The following FGD3 variants were observed in gnomAD, a reference collection of about 807,000 sequenced individuals.
The protein encoded by FGD3 is FYVE, RhoGEF and PH domain containing 3.
A neutral mutation model predicts 71.8 loss-of-function variants in FGD3; 45 were observed. The ratio of observed to expected loss-of-function variants is 0.63; its 90% CI spans 0.49 to 0.80. The LOEUF is 0.80. Ranked by LOEUF, FGD3 falls within the 30% of genes least tolerant of loss-of-function variation. The probability of loss-of-function intolerance (pLI) is 0.00; values close to 1 mark genes in which losing one functional copy is unlikely to be tolerated. For missense variants in FGD3, 844 were observed against 951.5 expected (o/e 0.89, Z 1.49); for synonymous variants, 378 against 392.8 (o/e 0.96, Z 0.44).
At position 93,022,261 on chromosome 9, in the gene FGD3, C is replaced by T. The variant is rs904020675; in HGVS notation, c.1495-66C>T. 3.3e-6 allele frequency: 5 copies of T among 1,503,282 alleles called. No homozygotes were observed. The South Asian group carries it at 5.8e-5, about 18-fold the overall frequency. 93.1% of individuals were successfully genotyped at this position (1,503,282 alleles called of 1,614,324 possible). A position where few individuals can be genotyped will look rare whatever the true frequency, so the allele number is the denominator to read the frequency against. ...GGTGCTGGGGGCTTCAGGAACTGTCCCCCCGCTGCACAGTGGCTGCGTGGC... is the reference window on the plus strand; with the variant it reads ...GGTGCTGGGGGCTTCAGGAACTGTCTCCCCGCTGCACAGTGGCTGCGTGGC... On this transcript the variant is annotated intron_variant, in intron 13 of 17. Coordinates refer to ENST00000375482, the MANE Select transcript of FGD3 (RefSeq NM_001083536.2).
chr9:92,965,046 G>C (rs377451195), intron 1 of FGD3, among the ~76,000 whole-genome samples: 1 of 152,352 alleles, frequency 6.6e-6, no homozygotes, highest in Non-Finnish European at 1.5e-5. Flanking sequence ...TGGCAGTGTG[G>C]GACAGTGGCG....
At position 93,035,337 on chromosome 9, in the gene FGD3, G is replaced by C; in HGVS notation, c.1927-1G>C. The stretch of plus-strand genomic sequence containing the variant: ...GCTGACCATCTGCTCCTCTGCTGCA[G>C]GACGGCCGGCTGCCCCGCACCATCC... On this transcript the variant is annotated splice_acceptor_variant, in intron 17 of 17. Transcript: ENST00000375482. LOFTEE classifies it high-confidence loss of function. 1 of 1,607,636 alleles carries C rather than the reference G, an allele frequency of 6.2e-7. No homozygotes were observed. Among genetic ancestry groups the C allele is most frequent in the Non-Finnish European group, 8.5e-7 (1 of 1,177,098 alleles).
chr9:93,018,233 T>G lies in FGD3; in HGVS notation c.1355+18T>G. The stretch of plus-strand genomic sequence containing the variant: ...CAGACGCGGTATGGAACGGGCTGTT[T>G]CTAGTGAATGTCTTTGACCTCATGT... On this transcript the variant is annotated intron_variant, in intron 11 of 17. Coordinates refer to ENST00000375482, the MANE Select transcript of FGD3 (RefSeq NM_001083536.2). The G allele has an allele frequency of 6.2e-7, 1 of 1,604,928 alleles. No individual in the cohort carries two copies. Among genetic ancestry groups the G allele is most frequent in the Non-Finnish European group, 8.5e-7 (1 of 1,172,248 alleles).
Position 93,005,093 on chromosome 9 carries a change from A to G in FGD3, c.681-931A>G, listed in dbSNP as rs756175913. On this transcript the variant is annotated intron_variant, in intron 5 of 17. Transcript: ENST00000375482. ...TCCTCTGCAACTTTTATAACAGCAC[A>G]GGGGTCCAATGACTTAGCCACCCTG... is the stretch of plus-strand genomic sequence containing the variant. Among the ~76,000 whole-genome samples the G allele has an allele frequency of 2.0e-5, 3 of 151,914 alleles. 1 individual carries two copies. The highest frequency in any genetic ancestry group is 6.6e-5 in the Admixed American group (1 of 15,266).
intron 13 of FGD3, among the ~76,000 whole-genome samples, chr9:93,021,506 G>A (rs1861918042): frequency 6.6e-6 from 1 of 152,160 alleles, no homozygotes; most frequent in Non-Finnish European, 1.5e-5. Flanking sequence ...ACAAGGCATA[G>A]GGGTTGGAAG....
At chr9:93,033,091 T>G (rs1406183330) in intron 16 of FGD3, 2 of 622,586 alleles carry the variant, frequency 3.2e-6, no homozygotes, top group Non-Finnish European at 5.9e-6. Context: ...GGCCAAGGCT[T>G]GGGAACCATT....
intron 13 of FGD3, 47 bp from the exon 14 acceptor site, chr9:93,022,280 G>A: frequency 6.3e-7 from 1 of 1,581,876 alleles, no homozygotes; most frequent in South Asian, 1.1e-5. Flanking sequence ...CACAGTGGCT[G>A]CGTGGCCCTG....
intron 10 of FGD3, among the ~76,000 whole-genome samples, chr9:93,017,671 G>A (rs1026011181): frequency 1.3e-5 from 2 of 152,174 alleles, no homozygotes; most frequent in African/African-American, 2.4e-5. Context: ...ATCTCAGGGC[G>A]CACCTGCTCA....
intron 10 of FGD3, among the ~76,000 whole-genome samples, chr9:93,016,403 T>C (rs1438816015): frequency 2.0e-5 from 3 of 147,296 alleles, no homozygotes; most frequent in Non-Finnish European, 3.0e-5. Context: ...AATGGCATGA[T>C]CGTGGCTCAC....
chr9:93,024,751 C>T (rs1862057663), intron 14 of FGD3, among the ~76,000 whole-genome samples: 1 of 152,372 alleles, frequency 6.6e-6, no homozygotes, highest in Non-Finnish European at 1.5e-5. Flanking sequence ...CTGAGGGGAT[C>T]CACACAGGGC....
At chr9:92,967,121 C>T (rs1472788475) in intron 1 of FGD3, among the ~76,000 whole-genome samples, 2 of 151,958 alleles carry the variant, frequency 1.3e-5, no homozygotes, top group Non-Finnish European at 2.9e-5. Flanking sequence ...ACCACCAAGC[C>T]CAGCTAATTT....
intron 5 of FGD3, among the ~76,000 whole-genome samples, chr9:93,005,065 A>T (rs1280167555): frequency 6.6e-6 from 1 of 151,444 alleles, no homozygotes; most frequent in Non-Finnish European, 1.5e-5. Flanking sequence ...TGCATGTGTG[A>T]CCTCCTCTGC....
At chr9:93,026,827 C>T (rs1342276380) in intron 14 of FGD3, among the ~76,000 whole-genome samples, 1 of 152,282 alleles carries the variant, frequency 6.6e-6, no homozygotes, top group Non-Finnish European at 1.5e-5. Context: ...TTCTCAGCTA[C>T]CATGCAGTGC....
chr9:93,013,733 C>A, intron 8 of FGD3, 119 bp from the exon 9 acceptor site: 1 of 1,268,664 alleles, frequency 7.9e-7, no homozygotes, highest in Non-Finnish European at 1.1e-6. Flanking sequence ...CCACCCTTGT[C>A]AGTAGCTCAT....
chr9:93,011,316 A>G (rs775704819), intron 8 of FGD3, 44 bp downstream of exon 8: 1 of 1,611,828 alleles, frequency 6.2e-7, no homozygotes, highest in East Asian at 2.2e-5. Context: ...TGGTGCAGCA[A>G]GAGTGAGGGC....
chr9:92,957,417 A>G (rs1859077341), intron 1 of FGD3, among the ~76,000 whole-genome samples: 1 of 152,154 alleles, frequency 6.6e-6, no homozygotes, highest in Admixed American at 6.6e-5. Flanking sequence ...TGGGGCTGTA[A>G]TCATTCCTCA....
Position 93,022,373 on chromosome 9 carries a change from G to A in FGD3, c.1541G>A (p.Ser514Asn), listed in dbSNP as rs564737909. Residue 514 changes from serine (S) to asparagine (N), a missense_variant, in exon 14 of 18, where the codon AGT (serine) becomes AAT (asparagine). Coordinates refer to ENST00000375482, the MANE Select transcript of FGD3 (RefSeq NM_001083536.2). ...GAGCCTGTGGTGACCACCGAAGGCA[G>A]TTCGGGTGCAGCAGGGGTAAGTGCC... ...PVEPVVTTEG[S>N]SGAAGLEPRK... 5 of 1,612,724 alleles carry A rather than the reference G, an allele frequency of 3.1e-6. No individual in the cohort carries two copies. The African/African-American group carries it at 6.7e-5, about 21-fold the overall frequency.
intron 11 of FGD3, 108 bp from the exon 12 acceptor site, chr9:93,019,723 T>C (rs982492723): frequency 2.8e-6 from 3 of 1,076,212 alleles, no homozygotes; most frequent in East Asian, 4.8e-5. Context: ...TTGAGCTGCG[T>C]TGACAAGCCA....
intron 8 of FGD3, among the ~76,000 whole-genome samples, chr9:93,011,579 C>T (rs574320427): frequency 3.5e-4 from 53 of 152,324 alleles, no homozygotes; most frequent in African/African-American, 1.1e-3. Flanking sequence ...CTCTATGGGC[C>T]GGGCGCGGTT....
Sources: allele counts gnomAD v4.1 joint callset (sites outside exome capture counted in the v4.1 genomes callset), GRCh38; gene constraint gnomAD v4.1.1; transcripts MANE v1.5; gene names NCBI Gene and HGNC (gene_info 2026-07-23, HGNC 2026-07-21).